Variants in DCP1B observed in about 807,000 individuals in gnomAD.
DCP1B encodes decapping mRNA 1B, also known as mRNA-decapping enzyme 1B.
DCP1B carries 47 observed loss-of-function variants against 60.5 expected under a neutral mutation model. The ratio of observed to expected loss-of-function variants is 0.78; its 90% CI spans 0.61 to 0.99. The LOEUF (loss-of-function observed/expected upper bound fraction) is 0.99, where lower values mean the gene tolerates loss of function less well. Ranked by LOEUF, DCP1B falls within the 50% of genes least tolerant of loss-of-function variation. The pLI, the probability that DCP1B is intolerant of heterozygous loss-of-function variation, is 0.00. For missense variants in DCP1B, 725 were observed against 756.8 expected (o/e 0.96, Z 0.49); for synonymous variants, 267 against 280.3 (o/e 0.95, Z 0.47).
chr12:1,995,531 C>G (rs539488374), intron 2 of DCP1B, among the ~76,000 whole-genome samples: 1 of 152,350 alleles, frequency 6.6e-6, no homozygotes, highest in South Asian at 2.1e-4. Context: ...CTGTGAAGAA[C>G]CTGACCTCCT....
chr12:1,952,338 T>TA (rs2030705344), intron 7 of DCP1B, 78 bp downstream of exon 7: 4 of 1,334,180 alleles, frequency 3.0e-6, no homozygotes, highest in African/African-American at 2.0e-5. Context: ...CAAGCCTGGC[T>TA]ACTTTTTTTT....
chr12:2,002,234 C>T (rs1447805108), intron 1 of DCP1B, among the ~76,000 whole-genome samples: 1 of 152,162 alleles, frequency 6.6e-6, no homozygotes, highest in Non-Finnish European at 1.5e-5. Context: ...AATACTTTCT[C>T]CTCTATTCTC....
At position 1,959,882 on chromosome 12, in the gene DCP1B, C is replaced by T. The variant is rs149629515; in HGVS notation, c.523-4322G>A. Among the ~76,000 whole-genome samples the T allele has an allele frequency of 7.2e-3, 1,091 of 151,600 alleles. 11 individuals carry two copies. The highest frequency in any genetic ancestry group is 0.025 in the African/African-American group (1,033 of 41,250). On this transcript the variant is annotated intron_variant, in intron 5 of 8. Coordinates refer to ENST00000280665, the MANE Select transcript of DCP1B (RefSeq NM_152640.5). ...GGCTGAGGTAGGAGAATGGCGTGAA[C>T]CCAGGAGGTAGAGCTTGCCATGAGC...
rs1592775792 is a variant in DCP1B at position 1,949,263 on chromosome 12, T to C, written c.1596A>G (p.Gln532=). Reference sequence around the variant, plus strand: ...TTTCCTTTGGCGGGACGGAGGTGGGTTGTGCGAACACCATGGGGGACATAA... The same window carrying C: ...TTTCCTTTGGCGGGACGGAGGTGGGCTGTGCGAACACCATGGGGGACATAA... The part of the protein sequence containing the change: ...SLLMSPMVFA[Q]PTSVPPKERE... The change falls in exon 8 of 9, where the codon CAA becomes CAG. Residue 532 remains glutamine, a synonymous_variant. Transcript: ENST00000280665. 1 of 1,613,932 alleles carries C rather than the reference T, an allele frequency of 6.2e-7. No individual in the cohort carries two copies. The highest frequency in any genetic ancestry group is 1.7e-5 in the Admixed American group (1 of 59,998).
chr12:1,967,311 T>A (rs2031327663), intron 4 of DCP1B, among the ~76,000 whole-genome samples: 1 of 152,200 alleles, frequency 6.6e-6, no homozygotes, highest in Admixed American at 6.5e-5. Context: ...GACTGATCAC[T>A]AAGCTAATAG....
In DCP1B at chr12:1,988,059, G is replaced by A. The variant is rs2038310442; in HGVS notation, c.319+5205C>T. Among the ~76,000 whole-genome samples the A allele has an allele frequency of 1.3e-5, 2 of 152,122 alleles. 1 individual carries two copies. The highest frequency in any genetic ancestry group is 4.2e-4 in the South Asian group (2 of 4,818). On this transcript the variant is annotated intron_variant, in intron 3 of 8. Transcript: ENST00000280665. ...TCCAGTTGCACAGGGGTCATTACGG[G>A]ACTCTTCACCTTTGCTCTGGGAGAT...
Position 1,952,770 on chromosome 12 carries a change from A to G in DCP1B, c.1170T>C (p.Ser390=), listed in dbSNP as rs1704251144. ...CCTTTCCTGGAGCCACAGGGGTGAC[A>G]GAAGTGGGAGCTCTGCTGCGGTTCA... ...AALNRSRAPT[S]VTPVAPGKGL... is the part of the protein sequence containing the mutation. The change falls in exon 7 of 9, where the codon TCT becomes TCC. Residue 390 remains serine, a synonymous_variant. Coordinates refer to ENST00000280665, the MANE Select transcript of DCP1B (RefSeq NM_152640.5). The G allele has an allele frequency of 2.5e-6, 4 of 1,614,164 alleles. No homozygotes were observed. Among genetic ancestry groups the G allele is most frequent in the Non-Finnish European group, 3.4e-6 (4 of 1,180,024 alleles).
intron 1 of DCP1B, among the ~76,000 whole-genome samples, chr12:2,001,379 G>A (rs1323033396): frequency 2.0e-5 from 3 of 152,028 alleles, no homozygotes; most frequent in African/African-American, 7.3e-5. Flanking sequence ...TACAATTTGA[G>A]GATTTAATAT....
intron 3 of DCP1B, among the ~76,000 whole-genome samples, chr12:1,974,947 G>A (rs1451484961): frequency 6.6e-6 from 1 of 152,086 alleles, no homozygotes; most frequent in Non-Finnish European, 1.5e-5. Flanking sequence ...ATGAAGAACA[G>A]ACTTCTTCAT....
Position 1,949,153 on chromosome 12 carries a change from G to C in DCP1B, c.1706C>G (p.Pro569Arg). The change falls in exon 8 of 9, where the codon CCC becomes CGC. Residue 569 changes from proline to arginine, a missense_variant. Pro to Arg is a moderately radical substitution (Grantham distance 103). Transcript: ENST00000280665. ...GAGTGGGCTGCTGGTGATCACGGAG[G>C]GCTCCGGGCTCTGTATGGGCAGGAG... ...SLLLPIQSPE[P>R]SVITSSPLTK... 1 of 1,614,144 alleles carries C rather than the reference G, an allele frequency of 6.2e-7. No individual in the cohort carries two copies. The highest frequency in any genetic ancestry group is 8.5e-7 in the Non-Finnish European group (1 of 1,180,020).
At chr12:1,992,970 C>T in intron 3 of DCP1B, 1 of 604,720 alleles carries the variant, frequency 1.7e-6, no homozygotes, top group Non-Finnish European at 2.9e-6. Context: ...ACTTGCCTCA[C>T]CCAGCCCTGC....
In DCP1B at chr12:1,998,021, A is replaced by G. The variant is rs745608673; in HGVS notation, c.151-46T>C. On this transcript the variant is annotated intron_variant, in intron 1 of 8. Coordinates refer to ENST00000280665, the MANE Select transcript of DCP1B (RefSeq NM_152640.5). Reference sequence around the variant, plus strand: ...ACACAAGACATGTATGTTCTCTTCAATTCACAAAGGTATAAAACAAATTCT... The same window carrying G: ...ACACAAGACATGTATGTTCTCTTCAGTTCACAAAGGTATAAAACAAATTCT... 8 of 1,540,278 alleles carry G rather than the reference A, an allele frequency of 5.2e-6. No homozygotes were observed. The South Asian group carries it at 8.4e-5, about 16-fold the overall frequency.
At chr12:1,970,959 C>G in intron 3 of DCP1B, 3 of 586,526 alleles carry the variant, frequency 5.1e-6, no homozygotes, top group Non-Finnish European at 7.4e-6. Flanking sequence ...TGAAATGTTA[C>G]TGCAGGAATA....
Position 2,004,393 on chromosome 12 carries a change from C to G in DCP1B, c.39G>C (p.Gly13=), listed in dbSNP as rs766447875. ...AVAAGGLVGK[G]RDISLAALQR... ...GCAGGGCCGCTAGGCTGATGTCGCGCCCCTTTCCCACCAGGCCGCCTGCCG... is the reference window on the plus strand; with the variant it reads ...GCAGGGCCGCTAGGCTGATGTCGCGGCCCTTTCCCACCAGGCCGCCTGCCG... Residue 13 remains glycine, a synonymous_variant, in exon 1 of 9, where the codon GGG becomes GGC. Coordinates refer to ENST00000280665, the MANE Select transcript of DCP1B (RefSeq NM_152640.5). 1.9e-6 allele frequency: 3 copies of G among 1,612,406 alleles called. No homozygotes were observed. The African/African-American group carries it at 4.0e-5, about 22-fold the overall frequency.
intron 3 of DCP1B, among the ~76,000 whole-genome samples, chr12:1,981,129 C>T (rs1040936122): frequency 2.0e-5 from 3 of 152,246 alleles, no homozygotes; most frequent in Non-Finnish European, 4.4e-5. Flanking sequence ...TCACAATCAC[C>T]TCTAGGAACT....
intron 4 of DCP1B, among the ~76,000 whole-genome samples, chr12:1,966,746 G>A (rs1252030056): frequency 1.3e-5 from 2 of 151,702 alleles, no homozygotes; most frequent in Non-Finnish European, 3.0e-5. Context: ...AGTTGTTATG[G>A]TGGTAAATAC....
At chr12:1,996,781 C>A (rs946755644) in intron 2 of DCP1B, among the ~76,000 whole-genome samples, 1 of 152,110 alleles carries the variant, frequency 6.6e-6, no homozygotes, top group South Asian at 2.1e-4. Flanking sequence ...CTTCCATGAT[C>A]ACAGCAGCCC....
intron 3 of DCP1B, among the ~76,000 whole-genome samples, chr12:1,976,699 C>A (rs2034473607): frequency 6.6e-6 from 1 of 152,088 alleles, no homozygotes; most frequent in African/African-American, 2.4e-5. Flanking sequence ...CCCTAGAGAG[C>A]TTTAGGGGTT....
chr12:1,959,122 G>T (rs535974459), intron 5 of DCP1B, among the ~76,000 whole-genome samples: 1 of 152,102 alleles, frequency 6.6e-6, no homozygotes, highest in South Asian at 2.1e-4. Flanking sequence ...TCTGGGCAAT[G>T]ACTTTTTCTA....
Sources: allele counts gnomAD v4.1 joint callset (sites outside exome capture counted in the v4.1 genomes callset), GRCh38; gene constraint gnomAD v4.1.1; transcripts MANE v1.5; gene names NCBI Gene and HGNC (gene_info 2026-07-23, HGNC 2026-07-21).